Variants in FRMD1 observed in about 807,000 individuals in gnomAD.
FRMD1 encodes the protein FERM domain-containing protein 1.
A neutral mutation model predicts 54.9 loss-of-function variants in FRMD1; 51 were observed. The ratio of observed to expected loss-of-function variants is 0.93; its 90% confidence interval spans 0.74 to 1.17. The LOEUF (loss-of-function observed/expected upper bound fraction) is 1.17, where lower values mean the gene tolerates loss of function less well. Among genes scored for constraint, FRMD1 ranks in the 50% most tolerant of loss-of-function variants. The probability of loss-of-function intolerance (pLI) is 0.00; values close to 1 mark genes in which losing one functional copy is unlikely to be tolerated. For missense variants in FRMD1, 729 were observed against 743.0 expected, an observed-to-expected ratio of 0.98 and a Z score of 0.22; for synonymous variants, 324 against 306.4, an observed-to-expected ratio of 1.06 and a Z score of -0.60.
At chr6:168,073,503 C>T (rs1800412630) in intron 2 of FRMD1, among the ~76,000 whole-genome samples, 1 of 152,168 alleles carries the variant, frequency 6.6e-6, no homozygotes, top group Admixed American at 6.5e-5. Flanking sequence ...CCAGGGGTCC[C>T]ACAGCCCCCA....
At position 168,075,226 on chromosome 6, in the gene FRMD1, G is replaced by A. The variant is rs1411645925; in HGVS notation, c.304+19C>T. On this transcript the variant is annotated intron_variant, in intron 2 of 10. Coordinates refer to ENST00000283309, the MANE Select transcript of FRMD1 (RefSeq NM_024919.6). Reference sequence around the variant, plus strand: ...CGGCCCCTGGGCATTCCTGCAGGTGGGGACTGAGCGATGCTTACTTCTGAC... The same window carrying A: ...CGGCCCCTGGGCATTCCTGCAGGTGAGGACTGAGCGATGCTTACTTCTGAC... The A allele has an allele frequency of 6.2e-7, 1 of 1,609,204 alleles. No individual in the cohort carries two copies. Among genetic ancestry groups the A allele is most frequent in the Non-Finnish European group, 8.5e-7 (1 of 1,176,382 alleles).
chr6:168,077,685 C>T (rs549489375), intron 1 of FRMD1, among the ~76,000 whole-genome samples: 56 of 152,348 alleles, frequency 3.7e-4, no homozygotes, highest in African/African-American at 1.2e-3. Context: ...TCAGAACAGG[C>T]GGTTCACTAT....
intron 2 of FRMD1, among the ~76,000 whole-genome samples, chr6:168,074,582 A>C (rs912762288): frequency 7.1e-6 from 1 of 141,430 alleles, no homozygotes; most frequent in African/African-American, 2.7e-5. Flanking sequence ...GCATGTGTAC[A>C]TGTGAGTGGT....
Position 168,059,176 on chromosome 6 carries a change from T to C in FRMD1, c.1355A>G (p.Glu452Gly), listed in dbSNP as rs1170031816. Residue 452 changes from glutamate (E) to glycine (G), a missense_variant, in exon 10 of 11, where the codon GAG becomes GGG. Physicochemically the swap from Glu to Gly is moderately conservative, Grantham distance 98. Transcript: ENST00000283309. This position sits in a 1 kb window ranked among gnomAD's most constrained non-coding sequence, Gnocchi z 4.4. ...TRGDSQATRQ[E>G]PCTQVRTRGQ... is the part of the protein sequence containing the mutation. ...TCTGGTCCTGACCTGGGTGCAGGGC[T>C]CCTGACGAGTGGCTGTGGGAGGAGG... The C allele has an allele frequency of 6.3e-7, 1 of 1,586,050 alleles. No homozygotes were observed. Among genetic ancestry groups the C allele is most frequent in the Admixed American group, 1.7e-5 (1 of 57,244 alleles).
chr6:168,057,960 C>T (rs576602049), intron 10 of FRMD1, among the ~76,000 whole-genome samples: 12 of 152,368 alleles, frequency 7.9e-5, no homozygotes, highest in South Asian at 4.1e-4. Flanking sequence ...TGCCCTTCTA[C>T]GCGTGTTTCC....
chr6:168,082,662 C>T (rs55952650), upstream of FRMD1, among the ~76,000 whole-genome samples: 9,442 of 152,232 alleles, frequency 0.062, 342 homozygotes, highest in African/African-American at 0.088. Context: ...CCAGGATTCC[C>T]GAGACCCACC....
rs562630147 is a variant in FRMD1 at position 168,060,371 on chromosome 6, G to C, written c.1342+390C>G. Among the ~76,000 whole-genome samples, 63 of 141,610 alleles carry C rather than the reference G, an allele frequency of 4.4e-4. 2 individuals are homozygous for C. In the East Asian group the frequency reaches 5.2e-3, roughly 12 times the overall value. 92.9% of individuals were successfully genotyped at this position (141,610 alleles called of 152,430 possible). ...GGAGGGGGGTTCTTCCTAGGAGTTG[G>C]GGGGGTGCTTCCTAGGGGCCAGGGG... is the stretch of plus-strand genomic sequence containing the variant. On this transcript the variant is annotated intron_variant, in intron 9 of 10. Transcript: ENST00000283309.
rs767161204 is a variant in FRMD1 at position 168,062,010 on chromosome 6, C to T, written c.871-29G>A. 5 of 1,567,060 alleles carry T rather than the reference C, an allele frequency of 3.2e-6. No individual in the cohort carries two copies. In the South Asian group the frequency reaches 4.6e-5, roughly 15 times the overall value. ...AGCAAACAGGAGAGAAGTTGCCACTCCACAGGTGGAAAACCACGCTAGCCA... is the reference window on the plus strand; with the variant it reads ...AGCAAACAGGAGAGAAGTTGCCACTTCACAGGTGGAAAACCACGCTAGCCA... On this transcript the variant is annotated intron_variant, in intron 7 of 10. Coordinates refer to ENST00000283309, the MANE Select transcript of FRMD1 (RefSeq NM_024919.6).
rs143560505 is a variant in FRMD1 at position 168,078,887 on chromosome 6, C to T, written c.208G>A (p.Val70Met). 43 of 1,584,608 alleles carry T rather than the reference C, an allele frequency of 2.7e-5. No individual in the cohort carries two copies. The highest frequency in any genetic ancestry group is 1.7e-4 in the Middle Eastern group (1 of 5,986). ...LPSREQLRLAVGVKATGRELF... is the reference protein window; with the variant it reads ...LPSREQLRLAMGVKATGRELF... ...CCACCCAGGGCCCTGCTCACCCCCA[C>T]GGCCAGCCGCAGTTGCTCCCGGCTG... is the stretch of plus-strand genomic sequence containing the variant. The change falls in exon 1 of 11, where the codon GTG (valine) becomes ATG (methionine). Residue 70 changes from valine to methionine, a missense_variant. Physicochemically the swap from Val to Met is conservative, Grantham distance 21. Coordinates refer to ENST00000283309, the MANE Select transcript of FRMD1 (RefSeq NM_024919.6).
Position 168,078,877 on chromosome 6 carries a change from C to A in FRMD1, c.213+5G>T. ...ACCCCCACGGCCACCCAGGGCCCTGCTCACCCCCACGGCCAGCCGCAGTTG... is the reference window on the plus strand; with the variant it reads ...ACCCCCACGGCCACCCAGGGCCCTGATCACCCCCACGGCCAGCCGCAGTTG... On this transcript the variant is annotated splice_donor_5th_base_variant and intron_variant, in intron 1 of 10. Coordinates refer to ENST00000283309, the MANE Select transcript of FRMD1 (RefSeq NM_024919.6). The A allele has an allele frequency of 6.3e-7, 1 of 1,577,716 alleles. No individual in the cohort carries two copies. Among genetic ancestry groups the A allele is most frequent in the Non-Finnish European group, 8.6e-7 (1 of 1,165,256 alleles).
In FRMD1 at chr6:168,064,152, C is replaced by A. The variant is rs9355161; in HGVS notation, c.649-396G>T. 4.6e-5 allele frequency among the ~76,000 whole-genome samples: 7 copies of A among 152,070 alleles called. No homozygotes were observed. In the South Asian group the frequency reaches 6.2e-4, roughly 13 times the overall value. On this transcript the variant is annotated intron_variant, in intron 5 of 10. Transcript: ENST00000283309. ...TGAGGGTGGAAATGTGCTCAGAGGC[C>A]AAGGGCACGTGTGGCATCCACAGCA...
chr6:168,065,260 G>C, intron 4 of FRMD1: 1 of 1,332,050 alleles, frequency 7.5e-7, no homozygotes, highest in Non-Finnish European at 9.6e-7. Context: ...CGGGGCACAG[G>C]TGACTTGCTG....
rs377574336 is a variant in FRMD1, at chr6:168,061,948, G to A, written c.904C>T (p.Pro302Ser). ...KKLEIQLDGL[P>S]AAQKLVYYTG... ...TAGTAAACCAGCTTCTGTGCTGCGG[G>A]CAGCCCATCCAGCTGGATCTCCAGC... Residue 302 changes from proline to serine, a missense_variant, in exon 8 of 11, where the codon CCC becomes TCC. Pro to Ser is a moderately conservative substitution (Grantham distance 74). Coordinates refer to ENST00000283309, the MANE Select transcript of FRMD1 (RefSeq NM_024919.6). 6 of 1,599,274 alleles carry A rather than the reference G, an allele frequency of 3.8e-6. No homozygotes were observed. The highest frequency in any genetic ancestry group is 4.3e-6 in the Non-Finnish European group (5 of 1,173,930).
chr6:168,083,987 C>T (rs1218766460), upstream of FRMD1, among the ~76,000 whole-genome samples: 1 of 152,210 alleles, frequency 6.6e-6, no homozygotes, highest in East Asian at 1.9e-4. Flanking sequence ...ACTGAAGCCT[C>T]ACTGCAGGCC....
At chr6:168,074,142 C>A (rs373818992) in intron 2 of FRMD1, among the ~76,000 whole-genome samples, 27 of 152,104 alleles carry the variant, frequency 1.8e-4, no homozygotes, top group African/African-American at 5.8e-4. Context: ...GCAAAAAGTG[C>A]ACATGAAGCA....
At chr6:168,072,801 G>A (rs1158310954) in intron 2 of FRMD1, among the ~76,000 whole-genome samples, 1 of 151,966 alleles carries the variant, frequency 6.6e-6, no homozygotes, top group Non-Finnish European at 1.5e-5. Context: ...CCCTCATTCT[G>A]TCCAGACTAA....
At chr6:168,087,085 T>C (rs1412405609) in intron 1 of FRMD1, among the ~76,000 whole-genome samples, 2 of 151,786 alleles carry the variant, frequency 1.3e-5, no homozygotes, top group East Asian at 1.9e-4. Flanking sequence ...TTTTTTTTCT[T>C]CATGTGGTGT....
At chr6:168,067,164 C>G (rs1419693108) in intron 3 of FRMD1, 1 of 696,294 alleles carries the variant, frequency 1.4e-6, no homozygotes, top group Non-Finnish European at 2.6e-6. Context: ...TGGTCCAGCA[C>G]AGTCCACCGC....
intron 2 of FRMD1, among the ~76,000 whole-genome samples, chr6:168,068,095 A>G (rs1462824286): frequency 6.6e-6 from 1 of 152,180 alleles, no homozygotes; most frequent in African/African-American, 2.4e-5. Flanking sequence ...GTGGGTGATA[A>G]GAGTGTGACC....
Sources: gnomAD v4.1 joint callset for allele counts (sites outside exome capture counted in the v4.1 genomes callset) on GRCh38, gnomAD v4.1.1 for gene constraint, Gnocchi (gnomAD v3.1) non-coding constraint, MANE v1.5 for transcripts, NCBI Gene and HGNC (gene_info 2026-07-23, HGNC 2026-07-21) for gene names.